PCDHGA2: variants seen among roughly 807,000 people sequenced by gnomAD.
PCDHGA2 encodes protocadherin gamma subfamily A, 2.
Under a neutral mutation model 59.2 loss-of-function variants are expected in PCDHGA2, and 40 were observed. That is an observed-to-expected ratio of 0.68 (90% CI 0.52 to 0.88). The LOEUF (loss-of-function observed/expected upper bound fraction) is 0.88, where lower values mean the gene tolerates loss of function less well. Among genes scored for constraint, PCDHGA2 ranks in the 40% least tolerant of loss-of-function variants. PCDHGA2 has a pLI of 0.00. For synonymous variants in PCDHGA2, 560 were observed against 526.0 expected, an observed-to-expected ratio of 1.06 and a Z score of -0.89; for missense variants, 1,226 against 1,204.0, an observed-to-expected ratio of 1.02 and a Z score of -0.27.
intron 1 of PCDHGA2, chr5:141,371,291 G>A (rs755232454): frequency 2.5e-6 from 4 of 1,613,976 alleles, no homozygotes; most frequent in Non-Finnish European, 3.4e-6. Context: ...GTAAAACGGG[G>A]GAACTCACCA....
In PCDHGA2 at chr5:141,338,823, C is replaced by G; in HGVS notation, c.-149C>G. ...GGTTTGGCCCTAAAGCTTCAGGACA[C>G]CAAAGAAATTCAGTCGAACAGCCCA... On this transcript the variant is annotated 5_prime_UTR_variant, in exon 1 of 4. Coordinates refer to ENST00000394576, the MANE Select transcript of PCDHGA2 (RefSeq NM_018915.4). The G allele has an allele frequency of 3.6e-6, 5 of 1,388,904 alleles. No homozygotes were observed. The highest frequency in any genetic ancestry group is 4.6e-6 in the Non-Finnish European group (5 of 1,075,968). 86.0% of individuals were successfully genotyped at this position (1,388,904 alleles called of 1,614,324 possible).
chr5:141,415,484 G>C (rs369349538), intron 1 of PCDHGA2: 18 of 1,614,102 alleles, frequency 1.1e-5, no homozygotes, highest in Non-Finnish European at 1.5e-5. Flanking sequence ...TCGCGAAAGA[G>C]TCACCTGATC....
At chr5:141,361,190 T>C (rs1390413762) in intron 1 of PCDHGA2, 1 of 1,613,846 alleles carries the variant, frequency 6.2e-7, no homozygotes, top group Admixed American at 1.7e-5. Flanking sequence ...GTGACTTCAG[T>C]ATCTACTCCC....
At chr5:141,354,537 T>C (rs1172449329) in intron 1 of PCDHGA2, among the ~76,000 whole-genome samples, 2 of 152,230 alleles carry the variant, frequency 1.3e-5, no homozygotes, top group Non-Finnish European at 2.9e-5. Context: ...CCCCAGGTTC[T>C]AGAGGGTCAA....
rs141295392 is a variant in PCDHGA2 at position 141,393,658 on chromosome 5, G to A, written c.2424+52263G>A. 3.0e-5 allele frequency: 49 copies of A among 1,613,798 alleles called. No homozygotes were observed. The Middle Eastern group carries it at 6.6e-4, about 22-fold the overall frequency. ...AACGGAAAAGTGGCATACAAATTCC[G>A]GAAAATTAATGAAAAACAAACTCCG... On this transcript the variant is annotated intron_variant, in intron 1 of 3. Transcript: ENST00000394576.
At chr5:141,446,143 T>G (rs2098490523) in intron 1 of PCDHGA2, among the ~76,000 whole-genome samples, 1 of 152,204 alleles carries the variant, frequency 6.6e-6, no homozygotes, top group Admixed American at 6.5e-5. Flanking sequence ...AATAATGGAA[T>G]AGGTGGAATA....
rs748660721 is a variant in PCDHGA2 at position 141,485,346 on chromosome 5, G to A, written c.2425-9461G>A. The A allele has an allele frequency of 1.2e-6, 2 of 1,614,178 alleles. No individual in the cohort carries two copies. Among genetic ancestry groups the A allele is most frequent in the South Asian group, 2.2e-5 (2 of 91,088 alleles). ...CAAGATTTCCTGCTGGATACGGACA[G>A]TCTGTCAGCTCGCAGGCTGCAGGTC... On this transcript the variant is annotated intron_variant, in intron 1 of 3. Transcript: ENST00000394576. This position sits in a 1 kb window ranked among gnomAD's most constrained non-coding sequence, Gnocchi z 5.7.
At chr5:141,350,497 G>A in intron 1 of PCDHGA2, 1 of 1,613,990 alleles carries the variant, frequency 6.2e-7, no homozygotes, top group Non-Finnish European at 8.5e-7. Flanking sequence ...TGGAGAGCGG[G>A]GATTTGTTAG....
At position 141,398,098 on chromosome 5, in the gene PCDHGA2, C is replaced by T. The variant is rs770737294; in HGVS notation, c.2424+56703C>T. 2.5e-6 allele frequency: 4 copies of T among 1,596,954 alleles called. No homozygotes were observed. In the South Asian group the frequency reaches 4.5e-5, roughly 18 times the overall value. ...TTATTTGTAACCTGGCGTCTCCAGGCTGGTGAGCAAGCTGAGGAGAGCAAG... is the reference window on the plus strand; with the variant it reads ...TTATTTGTAACCTGGCGTCTCCAGGTTGGTGAGCAAGCTGAGGAGAGCAAG... On this transcript the variant is annotated intron_variant, in intron 1 of 3. Transcript: ENST00000394576.
In PCDHGA2 at chr5:141,432,460, C is replaced by T; in HGVS notation, c.2425-62347C>T. The T allele has an allele frequency of 6.2e-7, 1 of 1,614,208 alleles. No homozygotes were observed. The highest frequency in any genetic ancestry group is 8.5e-7 in the Non-Finnish European group (1 of 1,180,044). On this transcript the variant is annotated intron_variant, in intron 1 of 3. Transcript: ENST00000394576. This position sits in a 1 kb window ranked among gnomAD's most constrained non-coding sequence, Gnocchi z 6.0. ...CGCCCGAGATCCTGTACCCCGCCCTCCCCACGGACGGTTCCACTGGCGTGG... is the reference window on the plus strand; with the variant it reads ...CGCCCGAGATCCTGTACCCCGCCCTTCCCACGGACGGTTCCACTGGCGTGG...
chr5:141,404,215 G>A, intron 1 of PCDHGA2: 1 of 1,613,346 alleles, frequency 6.2e-7, no homozygotes, highest in Non-Finnish European at 8.5e-7. Context: ...ATAATATCAC[G>A]GTGACTGCAA....
intron 1 of PCDHGA2, among the ~76,000 whole-genome samples, chr5:141,454,985 A>G (rs1292477757): frequency 1.3e-5 from 2 of 150,314 alleles, no homozygotes; most frequent in African/African-American, 4.9e-5. Context: ...TTTTTTAAAA[A>G]ATATTTTTAG....
Position 141,360,662 on chromosome 5 carries a change from A to C in PCDHGA2, c.2424+19267A>C. 5 of 1,614,014 alleles carry C rather than the reference A, an allele frequency of 3.1e-6. No individual in the cohort carries two copies. The Middle Eastern group carries it at 6.6e-4, about 213-fold the overall frequency. On this transcript the variant is annotated intron_variant, in intron 1 of 3. Transcript: ENST00000394576. ...CAAAGATACCACCTTAATGACAACG[A>C]GTACTTTGATCTCGCTGAGAAACAG...
intron 1 of PCDHGA2, chr5:141,384,177 TG>T: frequency 6.2e-7 from 1 of 1,613,838 alleles, no homozygotes; most frequent in South Asian, 1.1e-5. Context: ...AAGCCACAGA[TG>T]GTGGAACTCC....
In PCDHGA2 at chr5:141,486,143, G is replaced by T; in HGVS notation, c.2425-8664G>T. On this transcript the variant is annotated intron_variant, in intron 1 of 3. Coordinates refer to ENST00000394576, the MANE Select transcript of PCDHGA2 (RefSeq NM_018915.4). This position sits in a 1 kb window ranked among gnomAD's most constrained non-coding sequence, Gnocchi z 5.0. ...CTATGAATTTGATGTGCGGGCTCGC[G>T]ATGGGGGTTCTCCAGCCATGGAGCA... 6.2e-7 allele frequency: 1 copy of T among 1,614,198 alleles called. No homozygotes were observed. Among genetic ancestry groups the T allele is most frequent in the Non-Finnish European group, 8.5e-7 (1 of 1,180,030 alleles).
chr5:141,389,741 G>A, intron 1 of PCDHGA2: 2 of 1,612,676 alleles, frequency 1.2e-6, no homozygotes, highest in African/African-American at 1.3e-5. Context: ...GCCTGGGGCT[G>A]CGCACGGGCG....
In PCDHGA2 at chr5:141,345,901, C is replaced by G. The variant is rs753019575; in HGVS notation, c.2424+4506C>G. 3.1e-6 allele frequency: 5 copies of G among 1,613,188 alleles called. No homozygotes were observed. The East Asian group carries it at 1.1e-4, about 36-fold the overall frequency. On this transcript the variant is annotated intron_variant, in intron 1 of 3. Coordinates refer to ENST00000394576, the MANE Select transcript of PCDHGA2 (RefSeq NM_018915.4). ...GGACTCTTCTCGGTGGGTCTGCACA[C>G]GGGCGAGGTGCGCACGGCGCGAGCC...
chr5:141,354,965 A>T, intron 1 of PCDHGA2: 2 of 506,414 alleles, frequency 3.9e-6, no homozygotes, highest in Non-Finnish European at 6.6e-6. Context: ...ACAGGTTAAG[A>T]CTCTGGGTGT....
chr5:141,375,156 A>C (rs565020201), intron 1 of PCDHGA2: 2 of 1,613,972 alleles, frequency 1.2e-6, no homozygotes, highest in Non-Finnish European at 1.7e-6. Flanking sequence ...ACAATTGCTG[A>C]AAGTGCACCT....
Sources: gnomAD v4.1 joint callset for allele counts (sites outside exome capture counted in the v4.1 genomes callset) on GRCh38, gnomAD v4.1.1 for gene constraint, Gnocchi (gnomAD v3.1) non-coding constraint, MANE v1.5 for transcripts, NCBI Gene and HGNC (gene_info 2026-07-23, HGNC 2026-07-21) for gene names.